Variants in PDZRN4 observed in about 807,000 individuals in gnomAD.
PDZRN4 encodes PDZ domain-containing RING finger protein 4.
In PDZRN4, 70 loss-of-function variants were observed where a neutral mutation model predicts 99.0. The observed-to-expected ratio is 0.71, with a 90% CI of 0.58 to 0.86. The LOEUF (loss-of-function observed/expected upper bound fraction) is 0.86, where lower values mean the gene tolerates loss of function less well. Ranked by LOEUF, PDZRN4 falls within the 40% of genes least tolerant of loss-of-function variation. The pLI is 0.00. For missense variants in PDZRN4, 1,474 were observed against 1,331.2 expected, an observed-to-expected ratio of 1.11 and a Z score of -1.67; for synonymous variants, 551 against 501.6, an observed-to-expected ratio of 1.10 and a Z score of -1.32.
At chr12:41,466,126 A>G (rs1203738486) in intron 3 of PDZRN4, among the ~76,000 whole-genome samples, 1 of 152,194 alleles carries the variant, frequency 6.6e-6, no homozygotes, top group Non-Finnish European at 1.5e-5. Flanking sequence ...CTAGAGGTTA[A>G]AACTCATGAG....
chr12:41,266,525 C>T (rs1951278323), intron 3 of PDZRN4, among the ~76,000 whole-genome samples: 1 of 152,118 alleles, frequency 6.6e-6, no homozygotes, highest in African/African-American at 2.4e-5. Context: ...AGCTAGATCC[C>T]AGGCTACTCT....
intron 3 of PDZRN4, among the ~76,000 whole-genome samples, chr12:41,394,142 C>T (rs1420557032): frequency 2.8e-4 from 43 of 152,142 alleles, no homozygotes; most frequent in Admixed American, 2.8e-3. Context: ...ATTGCATCCT[C>T]ACATGGTGGA....
chr12:41,539,110 T>TA lies in PDZRN4; in HGVS notation c.1204-13546_1204-13545insA, dbSNP rs1491543714. On this transcript the variant is annotated intron_variant, in intron 5 of 9. Coordinates refer to ENST00000402685, the MANE Select transcript of PDZRN4 (RefSeq NM_001164595.2). ...TGATATATGTGTGTATATATATATA[T>TA]TATGCGTAAATATAATATATATATT... Among the ~76,000 whole-genome samples, 9 of 151,740 alleles carry TA rather than the reference T, an allele frequency of 5.9e-5. No homozygotes were observed. The South Asian group carries it at 8.3e-4, about 14-fold the overall frequency.
intron 5 of PDZRN4, among the ~76,000 whole-genome samples, chr12:41,539,321 A>G (rs1349939484): frequency 6.6e-6 from 1 of 152,108 alleles, no homozygotes; most frequent in Non-Finnish European, 1.5e-5. Context: ...TTTAACATCA[A>G]TATTTTATGA....
At chr12:41,296,491 T>A (rs2082222) in intron 3 of PDZRN4, among the ~76,000 whole-genome samples, 12,167 of 152,108 alleles carry the variant, frequency 0.08, 629 homozygotes, top group African/African-American at 0.14. Flanking sequence ...AACAGAAAAA[T>A]TCCCAAGAAA....
intron 3 of PDZRN4, among the ~76,000 whole-genome samples, chr12:41,436,496 C>T (rs1381331113): frequency 2.0e-5 from 3 of 152,196 alleles, no homozygotes; most frequent in African/African-American, 7.2e-5. Context: ...TCTCAAGATC[C>T]AGTGTAATTC....
chr12:41,300,677 A>AT (rs1232186185), intron 3 of PDZRN4, among the ~76,000 whole-genome samples: 1 of 151,974 alleles, frequency 6.6e-6, no homozygotes, highest in African/African-American at 2.4e-5. Context: ...TCCCTATTAT[A>AT]TCCATAAGAT....
intron 3 of PDZRN4, among the ~76,000 whole-genome samples, chr12:41,378,539 T>TTTTTTTTTTTA (rs1952098528): frequency 1.7e-4 from 25 of 146,676 alleles, no homozygotes; most frequent in East Asian, 9.9e-4. Flanking sequence ...TTTTTTTTTT[T>TTTTTTTTTTTA]GAGACAGAGT....
chr12:41,489,539 T>A (rs911206325), intron 3 of PDZRN4, among the ~76,000 whole-genome samples: 11 of 152,136 alleles, frequency 7.2e-5, no homozygotes, highest in African/African-American at 2.7e-4. Context: ...ATGTTTGGAA[T>A]CTCAGCACTT....
chr12:41,188,944 G>T lies in PDZRN4; in HGVS notation c.489G>T (p.Arg163=). The T allele has an allele frequency of 7.2e-7, 1 of 1,395,854 alleles. No homozygotes were observed. The highest frequency in any genetic ancestry group is 9.3e-7 in the Non-Finnish European group (1 of 1,074,132). 86.5% of individuals were successfully genotyped at this position (1,395,854 alleles called of 1,614,324 possible). The change falls in exon 1 of 10, where the codon CGG becomes CGT. Residue 163 remains arginine (R), a synonymous_variant. Coordinates refer to ENST00000402685, the MANE Select transcript of PDZRN4 (RefSeq NM_001164595.2). The stretch of plus-strand genomic sequence containing the variant: ...GCCGCGGGCGGGGACCCGGGCCTCG[G>T]GTCCTCGCCTGGAGGCGGCGCGAGA... ...RWGRGRGPGP[R]VLAWRRREKA...
chr12:41,494,040 GA>G (rs1565597548), intron 3 of PDZRN4, among the ~76,000 whole-genome samples: 3 of 93,010 alleles, frequency 3.2e-5, no homozygotes, highest in Admixed American at 9.1e-5. Context: ...TCCTGTCACA[GA>G]AACATTTTTA....
chr12:41,306,558 A>G (rs1275685313), intron 3 of PDZRN4, among the ~76,000 whole-genome samples: 1 of 152,196 alleles, frequency 6.6e-6, no homozygotes, highest in Non-Finnish European at 1.5e-5. Context: ...TAATCTTTGT[A>G]TCCAACGGTC....
chr12:41,486,609 AGTGC>A (rs1182055452), intron 3 of PDZRN4, among the ~76,000 whole-genome samples: 2 of 152,134 alleles, frequency 1.3e-5, no homozygotes, highest in East Asian at 3.9e-4. Context: ...CAGCTGGGAA[AGTGC>A]AAGCAATGGC....
At chr12:41,230,333 T>TA (rs1301293918) in intron 3 of PDZRN4, among the ~76,000 whole-genome samples, 1 of 152,048 alleles carries the variant, frequency 6.6e-6, no homozygotes, top group Non-Finnish European at 1.5e-5. Context: ...ACTGCCTTCC[T>TA]AGCCCCTCTA....
chr12:41,567,599 G>C lies in PDZRN4; in HGVS notation c.1468-184G>C, dbSNP rs551709595. On this transcript the variant is annotated intron_variant, in intron 8 of 9. Transcript: ENST00000402685. ...TTTCAGGAAAGGATAAAAGGCATAA[G>C]AGTCCTTTTTTTTTTTTTTTATCAC... 3.3e-5 allele frequency among the ~76,000 whole-genome samples: 4 copies of C among 122,416 alleles called. No homozygotes were observed. The East Asian group carries it at 1.1e-3, about 35-fold the overall frequency. 80.3% of individuals were successfully genotyped at this position (122,416 alleles called of 152,430 possible).
chr12:41,320,117 C>T (rs1527082), intron 3 of PDZRN4, among the ~76,000 whole-genome samples: 149,110 of 152,334 alleles, frequency 0.98, 73,086 homozygotes, highest in Middle Eastern at 1. Context: ...TTCTGCACAG[C>T]CCCACCTAGG....
At chr12:41,223,452 A>G (rs1950971646) in intron 3 of PDZRN4, among the ~76,000 whole-genome samples, 2 of 152,078 alleles carry the variant, frequency 1.3e-5, no homozygotes, top group African/African-American at 2.4e-5. Flanking sequence ...CACACAAAGG[A>G]CACAAAGATG....
At chr12:41,354,250 G>A (rs561087515) in intron 3 of PDZRN4, among the ~76,000 whole-genome samples, 1 of 152,206 alleles carries the variant, frequency 6.6e-6, no homozygotes, top group South Asian at 2.1e-4. Flanking sequence ...TTGCACTGAT[G>A]AAGAATTGTA....
At chr12:41,413,303 G>A (rs1952414018) in intron 3 of PDZRN4, among the ~76,000 whole-genome samples, 1 of 152,020 alleles carries the variant, frequency 6.6e-6, no homozygotes, top group African/African-American at 2.4e-5. Context: ...CTCATATGTG[G>A]GAGCTAAAAG....
Sources: allele counts gnomAD v4.1 joint callset (sites outside exome capture counted in the v4.1 genomes callset), GRCh38; gene constraint gnomAD v4.1.1; transcripts MANE v1.5; gene names NCBI Gene and HGNC (gene_info 2026-07-23, HGNC 2026-07-21).